ATF6: variants seen among roughly 807,000 people sequenced by gnomAD.
ATF6 encodes cyclic AMP-dependent transcription factor ATF-6 alpha.
In ATF6, 53 loss-of-function variants were observed where a neutral mutation model predicts 83.6. The observed-to-expected ratio is 0.63, with a 90% CI of 0.51 to 0.80. The LOEUF (loss-of-function observed/expected upper bound fraction) is 0.80, where lower values mean the gene tolerates loss of function less well. Among genes scored for constraint, ATF6 ranks in the 30% least tolerant of loss-of-function variants. The pLI, the probability that ATF6 is intolerant of heterozygous loss-of-function variation, is 0.00. For missense variants in ATF6, 744 were observed against 797.9 expected, an observed-to-expected ratio of 0.93 and a Z score of 0.81; for synonymous variants, 288 against 285.8, an observed-to-expected ratio of 1.01 and a Z score of -0.08.
intron 14 of ATF6, among the ~76,000 whole-genome samples, chr1:161,900,410 A>G (rs1215700741): frequency 6.6e-6 from 1 of 152,186 alleles, no homozygotes; most frequent in East Asian, 1.9e-4. Context: ...ATGACATGAA[A>G]AGAGACCTCT....
chr1:161,945,564 A>G (rs991940050), intron 15 of ATF6, among the ~76,000 whole-genome samples: 4 of 152,194 alleles, frequency 2.6e-5, no homozygotes, highest in Admixed American at 1.3e-4. Flanking sequence ...TTCTTGAATG[A>G]CTTTTCACTG....
rs968160014 is a variant in ATF6, at chr1:161,830,651, A to T, written c.1187+9490A>T. Reference sequence around the variant, plus strand: ...CCCTCAGAAATAATACCACACGTCTACAACCATCTGATCTTTGACAAACCT... The same window carrying T: ...CCCTCAGAAATAATACCACACGTCTTCAACCATCTGATCTTTGACAAACCT... On this transcript the variant is annotated intron_variant, in intron 9 of 15. Coordinates refer to ENST00000367942, the MANE Select transcript of ATF6 (RefSeq NM_007348.4). Among the ~76,000 whole-genome samples, 4 of 152,376 alleles carry T rather than the reference A, an allele frequency of 2.6e-5. No homozygotes were observed. In the East Asian group the frequency reaches 7.7e-4, roughly 29 times the overall value.
intron 14 of ATF6, among the ~76,000 whole-genome samples, chr1:161,898,059 C>A (rs994783890): frequency 2.6e-5 from 4 of 152,000 alleles, no homozygotes; most frequent in African/African-American, 9.7e-5. Flanking sequence ...ATTTTTTTGA[C>A]TCCTAGTAAA....
At chr1:161,907,024 G>A (rs553393545) in intron 14 of ATF6, among the ~76,000 whole-genome samples, 21 of 152,200 alleles carry the variant, frequency 1.4e-4, no homozygotes, top group African/African-American at 5.1e-4. Flanking sequence ...GATATGTCAT[G>A]ATGTATGTCT....
intron 12 of ATF6, 45 bp downstream of exon 12, chr1:161,853,368 G>A (rs2101828280): frequency 6.7e-7 from 1 of 1,482,344 alleles, no homozygotes; most frequent in Admixed American, 1.7e-5. Context: ...GTATTTGTTG[G>A]AAGGCTTCTC....
At chr1:161,931,675 C>A (rs1429271507) in intron 15 of ATF6, among the ~76,000 whole-genome samples, 2 of 152,116 alleles carry the variant, frequency 1.3e-5, no homozygotes, top group Non-Finnish European at 2.9e-5. Flanking sequence ...ATTTGTATAT[C>A]TTCTTTGGAG....
chr1:161,776,167 GA>G, intron 1 of ATF6, among the ~76,000 whole-genome samples: 1 of 152,298 alleles, frequency 6.6e-6, no homozygotes, highest in South Asian at 2.1e-4. Context: ...GTTCTGAAGA[GA>G]AACCAGAGCA....
At chr1:161,902,342 T>C (rs972027383) in intron 14 of ATF6, among the ~76,000 whole-genome samples, 2 of 152,246 alleles carry the variant, frequency 1.3e-5, no homozygotes, top group African/African-American at 2.4e-5. Flanking sequence ...ATGTTAATAA[T>C]TTTTACTGCT....
intron 15 of ATF6, among the ~76,000 whole-genome samples, chr1:161,946,950 T>TA (rs2101914926): frequency 6.6e-6 from 1 of 152,368 alleles, no homozygotes; most frequent in African/African-American, 2.4e-5. Context: ...TTCAATTTTC[T>TA]AAAATACCAT....
intron 9 of ATF6, among the ~76,000 whole-genome samples, chr1:161,831,368 A>G (rs1686055982): frequency 1.3e-5 from 2 of 152,256 alleles, no homozygotes; most frequent in African/African-American, 4.8e-5. Flanking sequence ...TAGTTCAAAC[A>G]TTGTGGAAGA....
chr1:161,766,730 C>G (rs1684274251), intron 1 of ATF6, among the ~76,000 whole-genome samples: 1 of 152,312 alleles, frequency 6.6e-6, no homozygotes, highest in Admixed American at 6.5e-5. Context: ...CACTGGACGT[C>G]TTTAGGAGGT....
At chr1:161,948,647 T>A (rs1481514365) in intron 15 of ATF6, among the ~76,000 whole-genome samples, 1 of 152,224 alleles carries the variant, frequency 6.6e-6, no homozygotes, top group East Asian at 1.9e-4. Flanking sequence ...AAGGATGAGA[T>A]TGAATTCACG....
intron 7 of ATF6, among the ~76,000 whole-genome samples, chr1:161,803,476 G>A (rs1300978776): frequency 2.0e-5 from 3 of 152,180 alleles, no homozygotes; most frequent in Non-Finnish European, 4.4e-5. Context: ...GGTTTGTTTT[G>A]AGGACTAGAA....
intron 14 of ATF6, among the ~76,000 whole-genome samples, chr1:161,867,879 T>C (rs553566072): frequency 6.0e-4 from 91 of 152,354 alleles, no homozygotes; most frequent in African/African-American, 2.1e-3. Flanking sequence ...TTATATATTC[T>C]AGCAATAGTA....
At chr1:161,858,322 A>C (rs1686808766) in intron 12 of ATF6, among the ~76,000 whole-genome samples, 1 of 152,158 alleles carries the variant, frequency 6.6e-6, no homozygotes, top group African/African-American at 2.4e-5. Context: ...AAAAGGAAGA[A>C]ATTTTCAAAC....
intron 14 of ATF6, among the ~76,000 whole-genome samples, chr1:161,902,389 A>T (rs1219775535): frequency 1.3e-5 from 2 of 152,206 alleles, no homozygotes; most frequent in Non-Finnish European, 2.9e-5. Context: ...TGGCTTTAAA[A>T]TATTTTATTC....
chr1:161,936,960 C>T (rs79204610), intron 15 of ATF6, among the ~76,000 whole-genome samples: 1,908 of 152,204 alleles, frequency 0.013, 46 homozygotes, highest in African/African-American at 0.043. Context: ...ATTTTGTTTC[C>T]TCCCACATCC....
chr1:161,849,063 G>T (rs1190235902), intron 10 of ATF6, among the ~76,000 whole-genome samples: 1 of 152,018 alleles, frequency 6.6e-6, no homozygotes, highest in East Asian at 1.9e-4. Context: ...TTTTCTCATG[G>T]ACTACAGTGT....
intron 12 of ATF6, among the ~76,000 whole-genome samples, chr1:161,855,116 TA>T (rs1057453608): frequency 2.6e-5 from 4 of 151,848 alleles, no homozygotes; most frequent in Non-Finnish European, 4.4e-5. Context: ...AAGGTTTGAG[TA>T]GGGGAGTGAC....
Sources: gnomAD v4.1 joint callset for allele counts (sites outside exome capture counted in the v4.1 genomes callset) on GRCh38, gnomAD v4.1.1 for gene constraint, MANE v1.5 for transcripts, NCBI Gene and HGNC (gene_info 2026-07-23, HGNC 2026-07-21) for gene names.